Variants in EBP observed in about 807,000 individuals in gnomAD.
The protein encoded by EBP is EBP cholestenol delta-isomerase.
EBP carries 1 observed loss-of-function variant against 14.1 expected under a neutral mutation model. The ratio of observed to expected loss-of-function variants is 0.07; its 90% CI spans 0.03 to 0.34. The LOEUF (loss-of-function observed/expected upper bound fraction) is 0.34. Ranked by LOEUF, EBP falls within the 10% of genes least tolerant of loss-of-function variation. The pLI is 0.99. For missense variants in EBP, 123 were observed against 184.6 expected (o/e 0.67, Z 1.93); for synonymous variants, 72 against 77.7 (o/e 0.93, Z 0.38).
At chrX:48,522,518 A>T (rs1556976754) in intron 1 of EBP, among the ~76,000 whole-genome samples, 5 of 111,131 alleles carry the variant, frequency 4.5e-5, no homozygotes. Context: ...GAGGGCTGGG[A>T]TCAGGTGTTG....
chrX:48,523,648 A>C, intron 1 of EBP, 51 bp from the exon 2 acceptor site: 1 of 751,712 alleles, frequency 1.3e-6, no homozygotes, highest in Admixed American at 3.2e-5. Context: ...ATGATAATAA[A>C]CTATTTGAAT....
At position 48,527,230 on chromosome X, in the gene EBP, C is replaced by T. The variant is rs976210101; in HGVS notation, c.414C>T (p.Ile138=). The change falls in exon 4 of 5, where the codon ATC becomes ATT. Residue 138 remains isoleucine, a synonymous_variant. Coordinates refer to ENST00000495186, the MANE Select transcript of EBP (RefSeq NM_006579.3). ...LWGPLSLWVV[I]AFLRQHPLRF... Reference sequence around the variant, plus strand: ...GACCACTCAGCCTGTGGGTGGTGATCGCCTTTCTCCGCCAGCATCCCCTCC... The same window carrying T: ...GACCACTCAGCCTGTGGGTGGTGATTGCCTTTCTCCGCCAGCATCCCCTCC... The T allele has an allele frequency of 7.4e-6, 9 of 1,211,273 alleles. No individual in the cohort carries two copies. Among genetic ancestry groups the T allele is most frequent in the Admixed American group, 2.2e-5 (1 of 45,975 alleles).
At chrX:48,522,414 A>C (rs60416132) in intron 1 of EBP, among the ~76,000 whole-genome samples, 9,934 of 111,414 alleles carry the variant, frequency 0.089, 374 homozygotes, top group Middle Eastern at 0.15. Flanking sequence ...ACCCCGGAGC[A>C]CAGGACTGGG....
chrX:48,526,131 A>G (rs782753721), intron 2 of EBP, among the ~76,000 whole-genome samples: 1 of 105,060 alleles, frequency 9.5e-6, no homozygotes, highest in South Asian at 4.2e-4. Context: ...GGCATGAGCC[A>G]TTGTGCCCGG....
At chrX:48,525,206 T>C (rs939660901) in intron 2 of EBP, among the ~76,000 whole-genome samples, 3 of 112,577 alleles carry the variant, frequency 2.7e-5, no homozygotes, top group Non-Finnish European at 5.6e-5. Context: ...ACCAACTATA[T>C]GTAAGATACT....
At chrX:48,525,186 A>G (rs187522532) in intron 2 of EBP, among the ~76,000 whole-genome samples, 1 of 112,479 alleles carries the variant, frequency 8.9e-6, no homozygotes, top group East Asian at 2.8e-4. Context: ...AAAGGAGGAT[A>G]ATAGTAATAA....
Position 48,523,697 on chromosome X carries a change from A to G in EBP, c.-73-2A>G, listed in dbSNP as rs1602088432. 3.0e-6 allele frequency: 3 copies of G among 990,325 alleles called. No individual in the cohort carries two copies. The highest frequency in any genetic ancestry group is 6.0e-5 in the Admixed American group (2 of 33,563). The allele number at this position is 990,325 out of a possible 1,213,427, so 81.6% of individuals were successfully genotyped here. A position where few individuals can be genotyped will look rare whatever the true frequency, so the allele number is the denominator to read the frequency against. On this transcript the variant is annotated splice_acceptor_variant, in intron 1 of 4. Coordinates refer to ENST00000495186, the MANE Select transcript of EBP (RefSeq NM_006579.3). LOFTEE classifies it low-confidence loss of function (5UTR_SPLICE). ...CTCATTCTGTACTTTCTATTTGTCC[A>G]GGTTTTTCTGTTCCTTTTTTTTTTT...
rs1221713124 is a variant in EBP, at chrX:48,523,709, TC to T, written c.-61del. On this transcript the variant is annotated 5_prime_UTR_variant, in exon 2 of 5. Transcript: ENST00000495186. ...TTTCTATTTGTCCAGGTTTTTCTGTTCCTTTTTTTTTTTTTTTTTTAACTTC... is the reference window on the plus strand; with the variant it reads ...TTTCTATTTGTCCAGGTTTTTCTGTTCTTTTTTTTTTTTTTTTTTAACTTC... 9 of 927,482 alleles carry T rather than the reference TC, an allele frequency of 9.7e-6. No individual in the cohort carries two copies. The Admixed American group carries it at 2.8e-4, about 29-fold the overall frequency. 76.4% of individuals were successfully genotyped at this position (927,482 alleles called of 1,213,427 possible).
chrX:48,524,390 G>A (rs1170543775), intron 2 of EBP: 1 of 159,700 alleles, frequency 6.3e-6, no homozygotes, highest in Non-Finnish European at 1.2e-5. Flanking sequence ...CACTTTGGGA[G>A]GCCGAGGCAG....
At chrX:48,524,736 T>A (rs1461901707) in intron 2 of EBP, 1 of 110,144 alleles carries the variant, frequency 9.1e-6, no homozygotes, top group Non-Finnish European at 1.9e-5. Flanking sequence ...TTGCCCAGGC[T>A]GGAGTGCAGT....
chrX:48,527,347 A>G (rs1309518551), intron 4 of EBP, 62 bp downstream of exon 4: 1 of 1,202,954 alleles, frequency 8.3e-7, no homozygotes, highest in East Asian at 3.0e-5. Context: ...ATCCACAGAC[A>G]CAGATGTATC....
At chrX:48,526,093 A>G (rs2061778324) in intron 2 of EBP, among the ~76,000 whole-genome samples, 1 of 104,734 alleles carries the variant, frequency 9.5e-6, no homozygotes, top group African/African-American at 3.5e-5. Flanking sequence ...CCGTCTCAAA[A>G]AAAAAAAAAA....
chrX:48,525,623 C>T (rs2061776553), intron 2 of EBP, among the ~76,000 whole-genome samples: 1 of 108,711 alleles, frequency 9.2e-6, no homozygotes, highest in Admixed American at 9.9e-5. Context: ...AAGTGATCTG[C>T]CCACCTCAGC....
At chrX:48,527,953 A>G (rs1259119074) in intron 4 of EBP, among the ~76,000 whole-genome samples, 1 of 111,816 alleles carries the variant, frequency 8.9e-6, no homozygotes, top group African/African-American at 3.2e-5. Context: ...AGTTCTAGCG[A>G]TATGAGTTAT....
chrX:48,523,588 T>C, intron 1 of EBP, 111 bp from the exon 2 acceptor site: 1 of 459,991 alleles, frequency 2.2e-6, no homozygotes, highest in Non-Finnish European at 3.6e-6. Flanking sequence ...TAATTAGAAG[T>C]GTTACAATCC....
chrX:48,523,630 C>T, intron 1 of EBP, 69 bp from the exon 2 acceptor site: 1 of 624,453 alleles, frequency 1.6e-6, no homozygotes, highest in South Asian at 2.8e-5. Flanking sequence ...GGTCCATTTA[C>T]ATTTCTCATG....
At chrX:48,527,561 C>G in intron 4 of EBP, 1 of 390,210 alleles carries the variant, frequency 2.6e-6, no homozygotes, top group Non-Finnish European at 4.5e-6. Flanking sequence ...GCAAGAAGCC[C>G]CTGGAACCTC....
chrX:48,522,916 A>C (rs1556976814), intron 1 of EBP, among the ~76,000 whole-genome samples: 1 of 110,278 alleles, frequency 9.1e-6, no homozygotes, highest in African/African-American at 3.3e-5. Context: ...CAAGTGGTCC[A>C]CTCGTCTTGG....
intron 2 of EBP, 92 bp downstream of exon 2, chrX:48,524,164 T>C (rs1315975462): frequency 1.2e-6 from 1 of 858,924 alleles, no homozygotes; most frequent in Non-Finnish European, 1.6e-6. Context: ...TCTTCTTCCA[T>C]TGATTTATTT....
Sources: gnomAD v4.1 joint callset for allele counts (sites outside exome capture counted in the v4.1 genomes callset) on GRCh38, gnomAD v4.1.1 for gene constraint, MANE v1.5 for transcripts, NCBI Gene and HGNC (gene_info 2026-07-23, HGNC 2026-07-21) for gene names.